The following ARHGEF9 variants were observed in gnomAD, a reference collection of about 807,000 sequenced individuals.
ARHGEF9 encodes Cdc42 guanine nucleotide exchange factor 9.
A neutral mutation model predicts 41.3 loss-of-function variants in ARHGEF9; 2 were observed. The ratio of observed to expected loss-of-function variants is 0.05; its 90% CI spans 0.02 to 0.15. The LOEUF (loss-of-function observed/expected upper bound fraction) is 0.15, where lower values mean the gene tolerates loss of function less well. Ranked by LOEUF, ARHGEF9 falls within the 10% of genes least tolerant of loss-of-function variation. The probability of loss-of-function intolerance (pLI) is 1.00; values close to 1 mark genes in which losing one functional copy is unlikely to be tolerated. For synonymous variants in ARHGEF9, 160 were observed against 154.4 expected (o/e 1.04, Z -0.27); for missense variants, 225 against 424.7 (o/e 0.53, Z 4.13).
chrX:63,690,487 G>A (rs1389277361), intron 4 of ARHGEF9, among the ~76,000 whole-genome samples: 2 of 111,386 alleles, frequency 1.8e-5, no homozygotes, highest in Non-Finnish European at 3.8e-5. Context: ...GATCAAAACA[G>A]TAATAAAAAG....
intron 8 of ARHGEF9, among the ~76,000 whole-genome samples, chrX:63,651,506 G>T (rs1358788126): frequency 9.0e-6 from 1 of 111,223 alleles, no homozygotes; most frequent in East Asian, 2.8e-4. Flanking sequence ...TGATGCAGAT[G>T]CAACTGACTA....
Position 63,635,284 on chromosome X carries a change from G to T in ARHGEF9, c.*2744C>A, listed in dbSNP as rs1436921191. ...TCCATTAGAAATATACACATAGAGAGGGGGGGAAAAAGAGAGAATAATTAG... is the reference window on the plus strand; with the variant it reads ...TCCATTAGAAATATACACATAGAGATGGGGGGAAAAAGAGAGAATAATTAG... On this transcript the variant is annotated 3_prime_UTR_variant, in exon 10 of 10. Coordinates refer to ENST00000671741, the MANE Select transcript of ARHGEF9 (RefSeq NM_001353921.2). 1 of 509,714 alleles carries T rather than the reference G, an allele frequency of 2.0e-6. No individual in the cohort carries two copies. The highest frequency in any genetic ancestry group is 2.6e-5 in the South Asian group (1 of 38,887). 42.0% of individuals were successfully genotyped at this position (509,714 alleles called of 1,213,427 possible). A position where few individuals can be genotyped will look rare whatever the true frequency, so the allele number is the denominator to read the frequency against.
chrX:63,700,840 C>T (rs1450304985), intron 3 of ARHGEF9, among the ~76,000 whole-genome samples: 2 of 111,553 alleles, frequency 1.8e-5, no homozygotes, highest in Non-Finnish European at 3.8e-5. Context: ...ATGCTTTGAA[C>T]GCCCCATCTG....
At chrX:63,651,905 GA>G (rs1228192090) in intron 8 of ARHGEF9, among the ~76,000 whole-genome samples, 13 of 103,908 alleles carry the variant, frequency 1.3e-4, no homozygotes, top group Admixed American at 5.2e-4. Context: ...TTAAGCATAT[GA>G]AAAAAAAAAG....
chrX:63,718,106 C>A (rs782309672), intron 2 of ARHGEF9, among the ~76,000 whole-genome samples: 2 of 111,283 alleles, frequency 1.8e-5, no homozygotes, highest in Non-Finnish European at 3.8e-5. Flanking sequence ...TCTCTAGTGA[C>A]CCTCTAATAT....
chrX:63,719,101 T>C (rs1456682528), intron 2 of ARHGEF9, among the ~76,000 whole-genome samples: 2 of 112,206 alleles, frequency 1.8e-5, no homozygotes, highest in Non-Finnish European at 3.8e-5. Context: ...TATAATAATG[T>C]CATTTGAAAT....
intron 1 of ARHGEF9, among the ~76,000 whole-genome samples, chrX:63,730,781 T>C (rs1338864995): frequency 8.9e-6 from 1 of 111,835 alleles, no homozygotes; most frequent in Non-Finnish European, 1.9e-5. Flanking sequence ...ACTCCCTTCC[T>C]ATCTACAAGG....
intron 4 of ARHGEF9, among the ~76,000 whole-genome samples, chrX:63,696,460 A>G (rs1305071295): frequency 2.7e-5 from 3 of 111,365 alleles, no homozygotes; most frequent in African/African-American, 9.8e-5. Context: ...CAGACACTAC[A>G]GATACAGGAC....
intron 7 of ARHGEF9, among the ~76,000 whole-genome samples, chrX:63,664,758 C>A (rs1368152235): frequency 8.9e-6 from 1 of 112,193 alleles, no homozygotes; most frequent in African/African-American, 3.2e-5. Flanking sequence ...CAGAGCTTAT[C>A]ACCAAACACT....
chrX:63,640,833 T>C (rs782814550), intron 9 of ARHGEF9: 2 of 111,461 alleles, frequency 1.8e-5, no homozygotes, highest in South Asian at 7.7e-4. Context: ...TGATGGGTCA[T>C]TGAAAAGCTC....
At chrX:63,645,094 C>A (rs782813118) in intron 8 of ARHGEF9, among the ~76,000 whole-genome samples, 3 of 109,987 alleles carry the variant, frequency 2.7e-5, no homozygotes, top group Non-Finnish European at 5.7e-5. Context: ...TCTGAATAAA[C>A]CCTGGATCAA....
At chrX:63,779,166 G>T (rs1556460623) in intron 1 of ARHGEF9, among the ~76,000 whole-genome samples, 1 of 111,583 alleles carries the variant, frequency 9.0e-6, no homozygotes, top group African/African-American at 3.3e-5. Context: ...TCCAACCTCT[G>T]CCCGTTACCC....
chrX:63,738,929 G>A (rs2054779301), intron 1 of ARHGEF9, among the ~76,000 whole-genome samples: 1 of 111,256 alleles, frequency 9.0e-6, no homozygotes, highest in Non-Finnish European at 1.9e-5. Context: ...GACTGAACAC[G>A]AGAATCTGTG....
chrX:63,679,921 T>C (rs1376129228), intron 4 of ARHGEF9, among the ~76,000 whole-genome samples: 7 of 111,935 alleles, frequency 6.3e-5, no homozygotes, highest in Non-Finnish European at 1.1e-4. Context: ...GATGACATAA[T>C]TGTATATGCA....
At chrX:63,669,128 G>T (rs142877913) in intron 6 of ARHGEF9, among the ~76,000 whole-genome samples, 1 of 112,019 alleles carries the variant, frequency 8.9e-6, no homozygotes, top group South Asian at 3.7e-4. Context: ...GTTTGAGAGC[G>T]TCAAATGAGT....
intron 7 of ARHGEF9, among the ~76,000 whole-genome samples, chrX:63,662,385 C>A (rs2049277127): frequency 8.9e-6 from 1 of 111,865 alleles, no homozygotes; most frequent in Non-Finnish European, 1.9e-5. Flanking sequence ...CCTGTGCAAT[C>A]CTCCTATTAA....
Position 63,754,710 on chromosome X carries a change from G to C in ARHGEF9, c.31-29999C>G, listed in dbSNP as rs1269719850. 3 of 944,198 alleles carry C rather than the reference G, an allele frequency of 3.2e-6. No homozygotes were observed. The African/African-American group carries it at 6.1e-5, about 19-fold the overall frequency. The allele number at this position is 944,198 out of a possible 1,213,427, so 77.8% of individuals were successfully genotyped here. On this transcript the variant is annotated intron_variant, in intron 1 of 9. Coordinates refer to ENST00000671741, the MANE Select transcript of ARHGEF9 (RefSeq NM_001353921.2). ...GAGAGGAGGAAGTAGGGTGGTTAGA[G>C]AAGGGCTGGGTTTGGCGCCCGAGTT...
chrX:63,753,295 A>G (rs1556443021), intron 1 of ARHGEF9, among the ~76,000 whole-genome samples: 1 of 111,614 alleles, frequency 9.0e-6, no homozygotes, highest in African/African-American at 3.3e-5. Flanking sequence ...CCAAAATTTG[A>G]TAACTCTTAA....
intron 4 of ARHGEF9, among the ~76,000 whole-genome samples, chrX:63,690,393 G>T (rs1322013862): frequency 9.0e-6 from 1 of 110,838 alleles, no homozygotes; most frequent in Non-Finnish European, 1.9e-5. Flanking sequence ...TAGAAGAAAT[G>T]GATAAATTCC....
Sources: gnomAD v4.1 joint callset for allele counts (sites outside exome capture counted in the v4.1 genomes callset) on GRCh38, gnomAD v4.1.1 for gene constraint, MANE v1.5 for transcripts, NCBI Gene and HGNC (gene_info 2026-07-23, HGNC 2026-07-21) for gene names.